The following FNDC3B variants were observed in gnomAD, a reference collection of about 807,000 sequenced individuals.
FNDC3B encodes the protein fibronectin type III domain-containing protein 3B.
FNDC3B carries 12 observed loss-of-function variants against 151.5 expected under a neutral mutation model. The ratio of observed to expected loss-of-function variants is 0.08; its 90% CI spans 0.05 to 0.13. FNDC3B has a LOEUF of 0.13. FNDC3B is among the 10% of genes least tolerant of loss of function. The pLI is 1.00. For synonymous variants in FNDC3B, 528 were observed against 549.0 expected, an observed-to-expected ratio of 0.96 and a Z score of 0.54; for missense variants, 1,214 against 1,505.3, an observed-to-expected ratio of 0.81 and a Z score of 3.20.
chr3:172,287,576 C>CA (rs1285552680), intron 7 of FNDC3B, among the ~76,000 whole-genome samples: 7 of 152,144 alleles, frequency 4.6e-5, no homozygotes, highest in Admixed American at 4.6e-4. Flanking sequence ...GTAAGGAAAA[C>CA]AGAGGAGTCA....
At chr3:172,357,543 C>G (rs1576942979) in intron 22 of FNDC3B, among the ~76,000 whole-genome samples, 1 of 152,036 alleles carries the variant, frequency 6.6e-6, no homozygotes, top group South Asian at 2.1e-4. Context: ...TTTGTTTTGC[C>G]CATTAGTCCA....
chr3:172,297,747 A>T lies in FNDC3B; in HGVS notation c.1002-981A>T, dbSNP rs189843485. On this transcript the variant is annotated intron_variant, in intron 8 of 25. Transcript: ENST00000415807. ...CCTTGGCCTCCCAAAGTGCTCGGAT[A>T]ACAGGCGTGAGCCACCGCGCCCGGC... Among the ~76,000 whole-genome samples, 583 of 149,796 alleles carry T rather than the reference A, an allele frequency of 3.9e-3. 2 individuals carry two copies. The highest frequency in any genetic ancestry group is 0.011 in the African/African-American group (436 of 40,068).
intron 4 of FNDC3B, among the ~76,000 whole-genome samples, chr3:172,243,614 C>G (rs1727616454): frequency 6.6e-6 from 1 of 152,196 alleles, no homozygotes; most frequent in Non-Finnish European, 1.5e-5. Flanking sequence ...CACTCCCTCC[C>G]ACAACATGTG....
chr3:172,115,664 G>C (rs1720210721), intron 2 of FNDC3B, among the ~76,000 whole-genome samples: 1 of 152,124 alleles, frequency 6.6e-6, no homozygotes, highest in Non-Finnish European at 1.5e-5. Flanking sequence ...TCTAGGGGTG[G>C]ACATTGCAGG....
intron 3 of FNDC3B, among the ~76,000 whole-genome samples, chr3:172,213,942 G>A (rs1725848892): frequency 1.3e-5 from 2 of 152,156 alleles, no homozygotes; most frequent in Admixed American, 1.3e-4. Flanking sequence ...TGAAATTGTA[G>A]CTTGTTTAGT....
At chr3:172,211,913 C>T (rs1725750826) in intron 3 of FNDC3B, among the ~76,000 whole-genome samples, 2 of 152,138 alleles carry the variant, frequency 1.3e-5, no homozygotes, top group African/African-American at 4.8e-5. Context: ...TCTTAGCTGT[C>T]AATTAAAGAT....
intron 9 of FNDC3B, among the ~76,000 whole-genome samples, chr3:172,299,791 A>G (rs1730814009): frequency 6.6e-6 from 1 of 152,056 alleles, no homozygotes; most frequent in Non-Finnish European, 1.5e-5. Context: ...GCGTATATGA[A>G]TTACCAGGAG....
intron 6 of FNDC3B, among the ~76,000 whole-genome samples, chr3:172,270,671 A>C (rs1729156061): frequency 6.6e-6 from 1 of 152,124 alleles, no homozygotes; most frequent in Non-Finnish European, 1.5e-5. Flanking sequence ...GTTTGTGTAC[A>C]TTTTCTATAT....
Position 172,138,324 on chromosome 3 carries a change from A to C in FNDC3B, c.187+4778A>C, listed in dbSNP as rs1342786646. On this transcript the variant is annotated intron_variant, in intron 3 of 25. Coordinates refer to ENST00000415807, the MANE Select transcript of FNDC3B (RefSeq NM_022763.4). ...TGCTCCCCAGCCACACAGCTTGAGA[A>C]TAATTACTGACTGGATTCCTGAGTG... Among the ~76,000 whole-genome samples, 4 of 152,228 alleles carry C rather than the reference A, an allele frequency of 2.6e-5. No homozygotes were observed. The South Asian group carries it at 6.2e-4, about 24-fold the overall frequency.
At chr3:172,273,545 AC>A (rs1729300802) in intron 6 of FNDC3B, among the ~76,000 whole-genome samples, 1 of 152,218 alleles carries the variant, frequency 6.6e-6, no homozygotes, top group South Asian at 2.1e-4. Flanking sequence ...ATAAGCCTAG[AC>A]CACATTTTCT....
At chr3:172,363,623 A>G (rs1213931321) in intron 23 of FNDC3B, among the ~76,000 whole-genome samples, 1 of 152,212 alleles carries the variant, frequency 6.6e-6, no homozygotes, top group Admixed American at 6.5e-5. Flanking sequence ...ACCTACTGAC[A>G]CACAAAACCA....
intron 1 of FNDC3B, among the ~76,000 whole-genome samples, chr3:172,083,030 T>C (rs1718362904): frequency 6.6e-6 from 1 of 152,198 alleles, no homozygotes; most frequent in Admixed American, 6.5e-5. Flanking sequence ...AGGGTTAGAA[T>C]GTTTGCAAGT....
intron 3 of FNDC3B, among the ~76,000 whole-genome samples, chr3:172,154,804 TAA>T (rs1420380752): frequency 3.9e-5 from 6 of 152,192 alleles, no homozygotes; most frequent in Non-Finnish European, 5.9e-5. Context: ...TGCCTGGGAA[TAA>T]AAGTTTTATA....
At chr3:172,053,083 G>C (rs1460962296) in intron 1 of FNDC3B, among the ~76,000 whole-genome samples, 1 of 152,134 alleles carries the variant, frequency 6.6e-6, no homozygotes, top group East Asian at 1.9e-4. Flanking sequence ...CCATCCATAT[G>C]TATATTCTGT....
chr3:172,114,010 C>T lies in FNDC3B; in HGVS notation c.111+1420C>T, dbSNP rs1344345813. Among the ~76,000 whole-genome samples the T allele has an allele frequency of 2.6e-5, 4 of 152,226 alleles. No homozygotes were observed. The East Asian group carries it at 7.7e-4, about 29-fold the overall frequency. ...GGGTAGGACAGGACAACCCTTCTCG[C>T]TGGTCTCTCTGCTTTCCCTTTTGCC... On this transcript the variant is annotated intron_variant, in intron 2 of 25. Transcript: ENST00000415807.
chr3:172,160,281 GT>G (rs1722702891), intron 3 of FNDC3B, among the ~76,000 whole-genome samples: 1 of 152,208 alleles, frequency 6.6e-6, no homozygotes, highest in Admixed American at 6.5e-5. Context: ...GGCCTTGCCT[GT>G]TGTGGATTTT....
At position 172,362,621 on chromosome 3, in the gene FNDC3B, TC is replaced by T. The variant is rs1576947145; in HGVS notation, c.2796-10del. On this transcript the variant is annotated splice_polypyrimidine_tract_variant and intron_variant, in intron 22 of 25. Transcript: ENST00000415807. ...ACCTGCATTGTCTGTATTTTTTTTTTCCTTTCTCTAGGATCAGAATTCAGGC... is the reference window on the plus strand; with the variant it reads ...ACCTGCATTGTCTGTATTTTTTTTTTCTTTCTCTAGGATCAGAATTCAGGC... 6.2e-7 allele frequency: 1 copy of T among 1,600,754 alleles called. No homozygotes were observed. The highest frequency in any genetic ancestry group is 1.1e-5 in the South Asian group (1 of 90,596).
intron 1 of FNDC3B, among the ~76,000 whole-genome samples, chr3:172,050,705 G>A (rs1329987562): frequency 6.0e-5 from 3 of 50,238 alleles, no homozygotes; most frequent in South Asian, 6.8e-4. Flanking sequence ...ATTTTCGTGT[G>A]TGTGTGTGTG....
chr3:172,180,911 A>G (rs1016437389), intron 3 of FNDC3B, among the ~76,000 whole-genome samples: 1 of 152,238 alleles, frequency 6.6e-6, no homozygotes, highest in African/African-American at 2.4e-5. Flanking sequence ...AATTGGTATC[A>G]TTTGGAGGCT....
Sources: allele counts gnomAD v4.1 joint callset (sites outside exome capture counted in the v4.1 genomes callset), GRCh38; gene constraint gnomAD v4.1.1; transcripts MANE v1.5; gene names NCBI Gene and HGNC (gene_info 2026-07-23, HGNC 2026-07-21).